The following CSMD1 variants were observed in gnomAD, a reference collection of about 807,000 sequenced individuals.
CSMD1 encodes the protein CUB and sushi domain-containing protein 1.
CSMD1 carries 213 observed loss-of-function variants against 417.5 expected under a neutral mutation model. The ratio of observed to expected loss-of-function variants is 0.51; its 90% CI spans 0.46 to 0.57. The LOEUF (loss-of-function observed/expected upper bound fraction) is 0.57, where lower values mean the gene tolerates loss of function less well. Among genes scored for constraint, CSMD1 ranks in the 20% least tolerant of loss-of-function variants. The pLI is 0.00. For synonymous variants in CSMD1, 2,862 were observed against 1,736.8 expected (o/e 1.65, Z -16.11); for missense variants, 6,923 against 4,529.7 (o/e 1.53, Z -15.17).
chr8:3,183,904 G>A (rs1290245449), intron 36 of CSMD1, among the ~76,000 whole-genome samples: 1 of 152,152 alleles, frequency 6.6e-6, no homozygotes, highest in African/African-American at 2.4e-5. Context: ...CAGAATTAGT[G>A]CAATAATCTT....
chr8:3,544,648 G>C (rs964359908), intron 10 of CSMD1, among the ~76,000 whole-genome samples: 6 of 152,282 alleles, frequency 3.9e-5, no homozygotes, highest in African/African-American at 1.4e-4. Flanking sequence ...CAATCTGACA[G>C]CTTGGCCACC....
At chr8:3,871,217 C>G (rs932510982) in intron 5 of CSMD1, among the ~76,000 whole-genome samples, 6 of 151,988 alleles carry the variant, frequency 3.9e-5, no homozygotes, top group African/African-American at 9.7e-5. Flanking sequence ...TACCAAGGAA[C>G]TATATTAAAA....
chr8:3,468,658 T>C, intron 12 of CSMD1, 54 bp downstream of exon 12: 1 of 1,104,174 alleles, frequency 9.1e-7, no homozygotes, highest in Non-Finnish European at 1.3e-6. Flanking sequence ...GAATGCTCTC[T>C]GCCCTCTCTT....
intron 2 of CSMD1, among the ~76,000 whole-genome samples, chr8:4,524,489 C>G (rs1319014761): frequency 3.3e-5 from 5 of 151,828 alleles, no homozygotes; most frequent in Admixed American, 6.6e-5. Flanking sequence ...GTTGGTGAAG[C>G]CCACGGGATA....
chr8:3,004,778 C>G (rs903810214), intron 52 of CSMD1, among the ~76,000 whole-genome samples: 3 of 152,148 alleles, frequency 2.0e-5, no homozygotes, highest in Non-Finnish European at 4.4e-5. Context: ...GTAACGGAAC[C>G]AAGAATGAAA....
At chr8:4,559,678 G>A (rs1403210524) in intron 2 of CSMD1, among the ~76,000 whole-genome samples, 1 of 152,096 alleles carries the variant, frequency 6.6e-6, no homozygotes, top group Non-Finnish European at 1.5e-5. Context: ...TATACCTGAA[G>A]GTCAGTAAAA....
At chr8:4,288,256 G>C (rs1797169440) in intron 3 of CSMD1, among the ~76,000 whole-genome samples, 1 of 152,124 alleles carries the variant, frequency 6.6e-6, no homozygotes, top group African/African-American at 2.4e-5. Flanking sequence ...ATGAGTTTCT[G>C]ACATGCCCCC....
At chr8:4,931,546 G>A (rs561166518) in intron 1 of CSMD1, among the ~76,000 whole-genome samples, 125 of 150,904 alleles carry the variant, frequency 8.3e-4, no homozygotes, top group African/African-American at 3.0e-3. Context: ...TGCCTTGGAG[G>A]ATCACCCAGA....
chr8:3,600,624 T>C (rs994793099), intron 8 of CSMD1, among the ~76,000 whole-genome samples: 1 of 152,140 alleles, frequency 6.6e-6, no homozygotes, highest in Non-Finnish European at 1.5e-5. Context: ...CTGGTGGCAG[T>C]GGAAAACGAC....
intron 6 of CSMD1, among the ~76,000 whole-genome samples, chr8:3,714,825 AAATT>A (rs1463993159): frequency 6.6e-6 from 1 of 152,176 alleles, no homozygotes; most frequent in East Asian, 1.9e-4. Context: ...TGCAAGATAA[AAATT>A]AAACTGTTCT....
At chr8:4,497,694 CATAA>C (rs947072037) in intron 2 of CSMD1, among the ~76,000 whole-genome samples, 11 of 152,148 alleles carry the variant, frequency 7.2e-5, no homozygotes, top group Non-Finnish European at 1.0e-4. Flanking sequence ...GAAGGCAGAG[CATAA>C]ATAGTGTGCA....
intron 7 of CSMD1, among the ~76,000 whole-genome samples, chr8:3,668,077 C>T (rs1301170284): frequency 6.6e-6 from 1 of 152,176 alleles, no homozygotes; most frequent in Admixed American, 6.5e-5. Context: ...CAATCAGGTG[C>T]AGTCATTCTA....
intron 10 of CSMD1, among the ~76,000 whole-genome samples, chr8:3,558,308 C>A (rs1799262469): frequency 7.1e-6 from 1 of 139,994 alleles, no homozygotes; most frequent in Non-Finnish European, 1.6e-5. Flanking sequence ...TCCGTGTTCA[C>A]TCCTCCAATG....
At chr8:3,844,592 G>C (rs907682685) in intron 5 of CSMD1, among the ~76,000 whole-genome samples, 25 of 152,268 alleles carry the variant, frequency 1.6e-4, no homozygotes, top group Admixed American at 7.8e-4. Context: ...AATGTCATTT[G>C]AAAAGGCAAG....
chr8:3,570,974 A>C (rs1486340629), intron 10 of CSMD1, among the ~76,000 whole-genome samples: 1 of 152,244 alleles, frequency 6.6e-6, no homozygotes, highest in Non-Finnish European at 1.5e-5. Flanking sequence ...CACATCTTTC[A>C]TATAGAATAA....
At chr8:3,621,012 C>A (rs551059206) in intron 7 of CSMD1, among the ~76,000 whole-genome samples, 40 of 152,086 alleles carry the variant, frequency 2.6e-4, no homozygotes, top group Non-Finnish European at 5.1e-4. Context: ...TCCAACATGA[C>A]TGGTGCCCTT....
In CSMD1 at chr8:3,455,845, C is replaced by T. The variant is rs555399769; in HGVS notation, c.1561+12867G>A. Among the ~76,000 whole-genome samples the T allele has an allele frequency of 1.1e-4, 17 of 152,358 alleles. No individual in the cohort carries two copies. In the East Asian group the frequency reaches 3.3e-3, roughly 29 times the overall value. On this transcript the variant is annotated intron_variant, in intron 12 of 69. Transcript: ENST00000635120. ...CACTACTCTCTTCAAAGATGTCAGA[C>T]AGGGACATTTAAGTCTGCAGAGGTT...
At chr8:4,167,425 G>A (rs1025287067) in intron 3 of CSMD1, among the ~76,000 whole-genome samples, 2 of 152,194 alleles carry the variant, frequency 1.3e-5, no homozygotes, top group African/African-American at 2.4e-5. Context: ...AAAAGAAATG[G>A]TAATAGAAAT....
chr8:3,929,289 A>T (rs577972786), intron 5 of CSMD1, among the ~76,000 whole-genome samples: 1 of 150,474 alleles, frequency 6.6e-6, no homozygotes, highest in Non-Finnish European at 1.5e-5. Context: ...CCTCAATGAG[A>T]AACTCAATGC....
Sources: allele counts gnomAD v4.1 joint callset (sites outside exome capture counted in the v4.1 genomes callset), GRCh38; gene constraint gnomAD v4.1.1; transcripts MANE v1.5; gene names NCBI Gene and HGNC (gene_info 2026-07-23, HGNC 2026-07-21).